Variants in PREPL observed in about 807,000 individuals in gnomAD.
PREPL encodes the protein prolyl endopeptidase-like.
Under a neutral mutation model 70.6 loss-of-function variants are expected in PREPL, and 77 were observed. That is an observed-to-expected ratio of 1.09 (90% CI 0.91 to 1.32). PREPL has a LOEUF of 1.32. PREPL is among the 40% of genes most tolerant of loss of function. The pLI, the probability that PREPL is intolerant of heterozygous loss-of-function variation, is 0.00. For synonymous variants in PREPL, 315 were observed against 264.8 expected (o/e 1.19, Z -1.84); for missense variants, 1,002 against 778.2 (o/e 1.29, Z -3.42).
chr2:44,333,502 C>G (rs1203981829), intron 7 of PREPL, among the ~76,000 whole-genome samples: 1 of 151,806 alleles, frequency 6.6e-6, no homozygotes, highest in African/African-American at 2.4e-5. Context: ...ATCAGAGGCA[C>G]AGAAACATCA....
At chr2:44,352,827 T>A (rs528569928) in intron 1 of PREPL, among the ~76,000 whole-genome samples, 98 of 151,988 alleles carry the variant, frequency 6.4e-4, no homozygotes, top group Non-Finnish European at 1.2e-3. Context: ...ACAGCACATA[T>A]AAAAGACAAA....
intron 1 of PREPL, among the ~76,000 whole-genome samples, chr2:44,351,641 AAAC>A (rs1471099132): frequency 1.3e-5 from 2 of 152,094 alleles, no homozygotes; most frequent in Admixed American, 1.3e-4. Context: ...CTCTTGCCAC[AAAC>A]AACTGGTCTG....
rs937478026 is a variant in PREPL at position 44,318,769 on chromosome 2, T to G, written c.*2587A>C. The G allele has an allele frequency of 5.9e-5, 9 of 152,312 alleles. No individual in the cohort carries two copies. In the East Asian group the frequency reaches 1.7e-3, roughly 29 times the overall value. 9.4% of individuals were successfully genotyped at this position (152,312 alleles called of 1,614,324 possible). On this transcript the variant is annotated 3_prime_UTR_variant, in exon 14 of 14. Coordinates refer to ENST00000409411, the MANE Select transcript of PREPL (RefSeq NM_001171613.2). ...AAAAATAAAATTACAAAAATCAGGC[T>G]TGGAAGTATTTAATAGCAGACAAAA...
chr2:44,360,801 T>C (rs1677667225), intron 1 of PREPL: 1 of 152,248 alleles, frequency 6.6e-6, no homozygotes, highest in African/African-American at 2.4e-5. Flanking sequence ...TGGCAGTTGC[T>C]ATTATTTACG....
intron 1 of PREPL, among the ~76,000 whole-genome samples, chr2:44,356,547 A>T (rs981897651): frequency 3.6e-3 from 66 of 18,248 alleles, no homozygotes; most frequent in Non-Finnish European, 7.0e-3. Flanking sequence ...TCCGTCTCAA[A>T]CAAACAAACA....
chr2:44,326,973 A>T, intron 9 of PREPL, 45 bp from the exon 10 acceptor site: 1 of 1,535,478 alleles, frequency 6.5e-7, no homozygotes, highest in African/African-American at 1.4e-5. Context: ...AAAAAAGTTA[A>T]TACTGTAGGC....
rs1427654988 is a variant in PREPL at position 44,322,809 on chromosome 2, C to CAATT, written c.1674_1675insAATT (p.Val559AsnfsTer12). ...TAACTTACAATTCCTTTCAGAGGTACCCGTTCATCGTTTTCATATGCCGTT... is the reference window on the plus strand; with the variant it reads ...TAACTTACAATTCCTTTCAGAGGTACAATTCCGTTCATCGTTTTCATATGCCGTT... On this transcript the variant is annotated frameshift_variant, in exon 12 of 14. Transcript: ENST00000409411. LOFTEE classifies it high-confidence loss of function. The CAATT allele has an allele frequency of 6.2e-7, 1 of 1,613,754 alleles. No individual in the cohort carries two copies. Among genetic ancestry groups the CAATT allele is most frequent in the Non-Finnish European group, 8.5e-7 (1 of 1,179,742 alleles).
At chr2:44,357,020 G>A (rs1677122276) in intron 1 of PREPL, among the ~76,000 whole-genome samples, 2 of 152,176 alleles carry the variant, frequency 1.3e-5, no homozygotes, top group South Asian at 4.1e-4. Flanking sequence ...TGCCAAGGCT[G>A]GTCTCGAATT....
chr2:44,358,422 C>A (rs1484661894), intron 1 of PREPL, among the ~76,000 whole-genome samples: 1 of 151,996 alleles, frequency 6.6e-6, no homozygotes, highest in African/African-American at 2.4e-5. Context: ...ATATTAAAAT[C>A]ATAAATTTGT....
At chr2:44,331,400 G>C (rs968184873) in intron 8 of PREPL, among the ~76,000 whole-genome samples, 1 of 152,030 alleles carries the variant, frequency 6.6e-6, no homozygotes, top group African/African-American at 2.4e-5. Flanking sequence ...ATTTTTAGTA[G>C]AGATGGGGTT....
intron 8 of PREPL, among the ~76,000 whole-genome samples, chr2:44,332,109 G>C (rs993862645): frequency 1.3e-5 from 2 of 151,966 alleles, no homozygotes; most frequent in African/African-American, 4.8e-5. Context: ...ACCATGCCCA[G>C]CTAATTTTGT....
Position 44,321,948 on chromosome 2 carries a change from CT to C in PREPL, c.1754-49del, listed in dbSNP as rs756729415. 4 of 1,561,376 alleles carry C rather than the reference CT, an allele frequency of 2.6e-6. No homozygotes were observed. In the South Asian group the frequency reaches 4.7e-5, roughly 18 times the overall value. On this transcript the variant is annotated intron_variant, in intron 12 of 13. Transcript: ENST00000409411. The stretch of plus-strand genomic sequence containing the variant: ...CAATTAGAAGATTGTATGGGATCTT[CT>C]TTGGAAGATCGAGACCCATTCCTCC...
intron 7 of PREPL, among the ~76,000 whole-genome samples, chr2:44,336,111 G>C (rs767783735): frequency 2.0e-5 from 3 of 152,172 alleles, no homozygotes; most frequent in Admixed American, 6.5e-5. Context: ...TAGTGGAAAT[G>C]TAAGTTCAGC....
chr2:44,359,413 G>T, intron 1 of PREPL: 2 of 1,035,406 alleles, frequency 1.9e-6, no homozygotes, highest in Non-Finnish European at 2.8e-6. Flanking sequence ...AAAATTAGTA[G>T]CTCTGATATT....
chr2:44,322,718 G>C lies in PREPL; in HGVS notation c.1753+13C>G, dbSNP rs765938842. On this transcript the variant is annotated intron_variant, in intron 12 of 13. Coordinates refer to ENST00000409411, the MANE Select transcript of PREPL (RefSeq NM_001171613.2). ...TGTTTGGCCATGTTCCCTGCTTCTA[G>C]GGGGTCTCCTACCTTCACCTGTGTC... is the stretch of plus-strand genomic sequence containing the variant. 6.2e-7 allele frequency: 1 copy of C among 1,610,716 alleles called. No individual in the cohort carries two copies. The highest frequency in any genetic ancestry group is 1.3e-5 in the African/African-American group (1 of 74,672).
chr2:44,339,196 T>C lies in PREPL; in HGVS notation c.653A>G (p.Asp218Gly), dbSNP rs764184645. The C allele has an allele frequency of 8.7e-6, 14 of 1,613,964 alleles. No individual in the cohort carries two copies. The highest frequency in any genetic ancestry group is 1.1e-5 in the Non-Finnish European group (13 of 1,179,954). ...ATTAGTGAGAATGTATAATTCATCATCTCTGTGTTCAACATAGTAAAGGAC... is the reference window on the plus strand; with the variant it reads ...ATTAGTGAGAATGTATAATTCATCACCTCTGTGTTCAACATAGTAAAGGAC... Reference protein sequence around the residue: ...HGVLYYVEHRDDELYILTNVG... With the variant: ...HGVLYYVEHRGDELYILTNVG... The change falls in exon 6 of 14, where the codon GAT becomes GGT. Residue 218 changes from aspartate (D) to glycine (G), a missense_variant. By Grantham distance (94) the Asp-to-Gly change is moderately conservative. Transcript: ENST00000409411.
At chr2:44,347,218 C>T (rs1675924303) in intron 1 of PREPL, 1 of 152,054 alleles carries the variant, frequency 6.6e-6, no homozygotes, top group Admixed American at 6.6e-5. Context: ...ACCTGTAGTC[C>T]CAGCTACTTG....
intron 5 of PREPL, among the ~76,000 whole-genome samples, chr2:44,340,280 T>C (rs1444974876): frequency 6.6e-6 from 1 of 152,116 alleles, no homozygotes; most frequent in East Asian, 1.9e-4. Flanking sequence ...TCACAATTAT[T>C]TTCCCAAGAC....
intron 2 of PREPL, 51 bp from the exon 3 acceptor site, chr2:44,344,637 C>A: frequency 1.5e-6 from 2 of 1,336,204 alleles, no homozygotes; most frequent in East Asian, 2.4e-5. Context: ...TTAACCTTTT[C>A]ATAGTCTGAC....
Sources: allele counts gnomAD v4.1 joint callset (sites outside exome capture counted in the v4.1 genomes callset), GRCh38; gene constraint gnomAD v4.1.1; transcripts MANE v1.5; gene names NCBI Gene and HGNC (gene_info 2026-07-23, HGNC 2026-07-21).